IL34: variants seen among roughly 807,000 people sequenced by gnomAD.
IL34 encodes the protein interleukin 34.
In IL34, 17 loss-of-function variants were observed where a neutral mutation model predicts 25.3. The ratio of observed to expected loss-of-function variants is 0.67; its 90% confidence interval spans 0.46 to 1.01. The LOEUF is 1.01. IL34 is among the 50% of genes least tolerant of loss of function. IL34 has a pLI of 0.00. For synonymous variants in IL34, 174 were observed against 140.9 expected, an observed-to-expected ratio of 1.23 and a Z score of -1.66; for missense variants, 368 against 312.9, an observed-to-expected ratio of 1.18 and a Z score of -1.33.
intron 1 of IL34, among the ~76,000 whole-genome samples, chr16:70,638,385 A>G (rs1277582328): frequency 1.3e-5 from 2 of 152,050 alleles, no homozygotes; most frequent in East Asian, 3.8e-4. Flanking sequence ...AGACCGAGGC[A>G]GAAGGATCTT....
intron 1 of IL34, among the ~76,000 whole-genome samples, chr16:70,605,603 A>C (rs1304684954): frequency 1.3e-5 from 2 of 152,182 alleles, no homozygotes; most frequent in Admixed American, 1.3e-4. Context: ...AAGCAATTTA[A>C]GAAAACAGCT....
intron 1 of IL34, among the ~76,000 whole-genome samples, chr16:70,631,551 T>C (rs1284216037): frequency 6.6e-6 from 1 of 152,204 alleles, no homozygotes; most frequent in Non-Finnish European, 1.5e-5. Context: ...ATATAATGTT[T>C]TGGAGGATGT....
At chr16:70,626,611 G>A (rs1375431600) in intron 1 of IL34, among the ~76,000 whole-genome samples, 1 of 152,044 alleles carries the variant, frequency 6.6e-6, no homozygotes, top group Non-Finnish European at 1.5e-5. Context: ...GATCAGGCTG[G>A]TCTGGAACTC....
At chr16:70,595,152 G>T (rs1270361858) in intron 1 of IL34, among the ~76,000 whole-genome samples, 1 of 151,932 alleles carries the variant, frequency 6.6e-6, no homozygotes, top group African/African-American at 2.4e-5. Context: ...GTAGAGATGG[G>T]GTTTTGCCAT....
At chr16:70,593,170 G>C (rs1363736821) in intron 1 of IL34, among the ~76,000 whole-genome samples, 1 of 151,990 alleles carries the variant, frequency 6.6e-6, no homozygotes, top group African/African-American at 2.4e-5. Context: ...TCTTATTGTT[G>C]AGTTTTAAGA....
chr16:70,597,991 C>A (rs1021800334), intron 1 of IL34, among the ~76,000 whole-genome samples: 1 of 152,144 alleles, frequency 6.6e-6, no homozygotes, highest in South Asian at 2.1e-4. Context: ...ACTACAGGTG[C>A]CCGCCACCAT....
intron 1 of IL34, among the ~76,000 whole-genome samples, chr16:70,640,806 C>T (rs2051763813): frequency 6.6e-6 from 1 of 152,070 alleles, no homozygotes; most frequent in African/African-American, 2.4e-5. Flanking sequence ...AAAGCATTTC[C>T]TTCACCTCCC....
chr16:70,590,823 C>A (rs145155246), intron 1 of IL34, among the ~76,000 whole-genome samples: 57 of 152,288 alleles, frequency 3.7e-4, no homozygotes, highest in Admixed American at 1.8e-3. Flanking sequence ...CCCGTCCCCC[C>A]GCAAGCTGGC....
At chr16:70,583,357 C>T (rs769339287) in intron 1 of IL34, among the ~76,000 whole-genome samples, 12 of 152,036 alleles carry the variant, frequency 7.9e-5, no homozygotes, top group Non-Finnish European at 1.5e-4. Flanking sequence ...CTGCCTCAGC[C>T]TTCCAAAGTG....
chr16:70,636,874 C>G (rs372724367), intron 1 of IL34, among the ~76,000 whole-genome samples: 4 of 152,032 alleles, frequency 2.6e-5, no homozygotes, highest in Admixed American at 2.6e-4. Flanking sequence ...TTGCCCCTTC[C>G]CTATTTTATT....
chr16:70,585,838 T>C (rs546390872), intron 1 of IL34, among the ~76,000 whole-genome samples: 1 of 118,518 alleles, frequency 8.4e-6, no homozygotes, highest in Non-Finnish European at 1.8e-5. Flanking sequence ...AGCCTCCTTG[T>C]TTTTTTTTTT....
At chr16:70,586,244 A>C (rs1011003317) in intron 1 of IL34, among the ~76,000 whole-genome samples, 3 of 152,140 alleles carry the variant, frequency 2.0e-5, no homozygotes, top group African/African-American at 7.2e-5. Context: ...TCTCTTAGCT[A>C]TTGCGAATAA....
chr16:70,612,710 G>C (rs906290351), intron 1 of IL34, among the ~76,000 whole-genome samples: 7 of 152,150 alleles, frequency 4.6e-5, no homozygotes, highest in Non-Finnish European at 1.0e-4. Flanking sequence ...GGAGCCTTTG[G>C]GGCTCAGGAG....
intron 1 of IL34, among the ~76,000 whole-genome samples, chr16:70,609,672 T>C (rs2051062497): frequency 6.6e-6 from 1 of 152,130 alleles, no homozygotes; most frequent in South Asian, 2.1e-4. Flanking sequence ...GACTACAGCC[T>C]GGAGGTGTAT....
At chr16:70,608,963 C>T (rs989833895) in intron 1 of IL34, among the ~76,000 whole-genome samples, 3 of 152,194 alleles carry the variant, frequency 2.0e-5, no homozygotes, top group Non-Finnish European at 4.4e-5. Flanking sequence ...TGGGGGTAAT[C>T]ATGCCTTCCT....
intron 1 of IL34, among the ~76,000 whole-genome samples, chr16:70,592,311 G>A (rs2050765627): frequency 1.3e-5 from 2 of 151,984 alleles, no homozygotes; most frequent in African/African-American, 4.8e-5. Flanking sequence ...TGTTCTACTC[G>A]CCCTCGTTCT....
chr16:70,632,258 T>G (rs755926432), intron 1 of IL34, among the ~76,000 whole-genome samples: 2 of 152,156 alleles, frequency 1.3e-5, no homozygotes, highest in Non-Finnish European at 2.9e-5. Context: ...TTGGGCCAGG[T>G]GGTCTTAGCA....
At chr16:70,650,068 G>C (rs1192192439) in intron 1 of IL34, among the ~76,000 whole-genome samples, 1 of 152,304 alleles carries the variant, frequency 6.6e-6, no homozygotes, top group East Asian at 1.9e-4. Flanking sequence ...CAAAGTGCTG[G>C]GATTACAGGT....
At chr16:70,654,970 G>A (rs2151881713) in intron 2 of IL34, among the ~76,000 whole-genome samples, 1 of 152,262 alleles carries the variant, frequency 6.6e-6, no homozygotes, top group South Asian at 2.1e-4. Context: ...CAAACCCCAG[G>A]CACTTATTAG....
Sources: gnomAD v4.1 joint callset for allele counts (sites outside exome capture counted in the v4.1 genomes callset) on GRCh38, gnomAD v4.1.1 for gene constraint, MANE v1.5 for transcripts, NCBI Gene and HGNC (gene_info 2026-07-23, HGNC 2026-07-21) for gene names.